The following ZCCHC8 variants were observed in gnomAD, a reference collection of about 807,000 sequenced individuals.
ZCCHC8 encodes the protein zinc finger CCHC-type containing 8, also known as zinc finger CCHC domain-containing protein 8.
Under a neutral mutation model 70.6 loss-of-function variants are expected in ZCCHC8, and 27 were observed. The observed-to-expected ratio is 0.38, with a 90% CI of 0.28 to 0.53. ZCCHC8 has a LOEUF of 0.53. Among genes scored for constraint, ZCCHC8 ranks in the 20% least tolerant of loss-of-function variants. ZCCHC8 has a pLI of 0.81. For synonymous variants in ZCCHC8, 293 were observed against 317.4 expected, an observed-to-expected ratio of 0.92 and a Z score of 0.82; for missense variants, 737 against 876.9, an observed-to-expected ratio of 0.84 and a Z score of 2.01.
chr12:122,491,529 C>CAAA lies in ZCCHC8; in HGVS notation c.318-965_318-963dup, dbSNP rs555175551. Among the ~76,000 whole-genome samples the CAAA allele has an allele frequency of 1.2e-3, 73 of 63,360 alleles. 1 individual carries two copies. Among genetic ancestry groups the CAAA allele is most frequent in the African/African-American group, 3.2e-3 (67 of 20,838 alleles). The allele number at this position is 63,360 out of a possible 152,430, so 41.6% of individuals were successfully genotyped here. A position where few individuals can be genotyped will look rare whatever the true frequency, so the allele number is the denominator to read the frequency against. On this transcript the variant is annotated intron_variant, in intron 3 of 13. Coordinates refer to ENST00000633063, the MANE Select transcript of ZCCHC8 (RefSeq NM_017612.5). ...GGGCAAAAAGAGTGAAACTCCATCT[C>CAAA]AAAAAAAAAAAAAAAAAAGCCAGGT...
At chr12:122,498,677 T>C (rs1957868742) in intron 2 of ZCCHC8, 150 bp downstream of exon 2, 1 of 755,934 alleles carries the variant, frequency 1.3e-6, no homozygotes, top group East Asian at 2.7e-5. Flanking sequence ...CACAATTAAA[T>C]AACTATTACT....
rs1957725816 is a variant in ZCCHC8 at position 122,490,535 on chromosome 12, G to C, written c.350C>G (p.Ser117Ter). The C allele has an allele frequency of 6.2e-7, 1 of 1,610,486 alleles. No individual in the cohort carries two copies. Among genetic ancestry groups the C allele is most frequent in the African/African-American group, 1.3e-5 (1 of 74,862 alleles). ...TTCCTCAAATCTTTTTACTAAATTT[G>C]ATACAAATTCCTCTATTTCTTGATG... is the stretch of plus-strand genomic sequence containing the variant. ...QYHQEIEEFV[S>*]NLVKRFEEQQ... The change falls in exon 4 of 14, where the codon TCA (serine) becomes TGA (stop). Residue 117 changes from serine to a stop codon, truncating the protein, a stop_gained. Transcript: ENST00000633063. LOFTEE classifies it high-confidence loss of function.
intron 13 of ZCCHC8, among the ~76,000 whole-genome samples, 189 bp downstream of exon 13, chr12:122,477,652 G>T (rs1284318702): frequency 1.3e-5 from 2 of 150,522 alleles, no homozygotes; most frequent in African/African-American, 4.9e-5. Flanking sequence ...TTAGCTGGGC[G>T]TGGTGATGCA....
chr12:122,483,569 G>A lies in ZCCHC8; in HGVS notation c.502-6C>T. On this transcript the variant is annotated splice_polypyrimidine_tract_variant and splice_region_variant and intron_variant, in intron 5 of 13. Transcript: ENST00000633063. This position sits in a 1 kb window ranked among gnomAD's most constrained non-coding sequence, Gnocchi z 4.4. ...TACAGGACACTTCCTACAACCTGCA[G>A]AAAACAAGTCAAAAAATATTGCTAT... 6.4e-7 allele frequency: 1 copy of A among 1,559,574 alleles called. No individual in the cohort carries two copies. Among genetic ancestry groups the A allele is most frequent in the Non-Finnish European group, 8.7e-7 (1 of 1,149,016 alleles).
rs1373072170 is a variant in ZCCHC8, at chr12:122,498,911, C to T, written c.200-42G>A. The T allele has an allele frequency of 5.7e-6, 9 of 1,569,098 alleles. No homozygotes were observed. The East Asian group carries it at 1.1e-4, about 20-fold the overall frequency. ...GAAGATAAGCCCTCATTTAACAATG[C>T]AAATCATAAAATTCAACTACTACTT... On this transcript the variant is annotated intron_variant, in intron 1 of 13. Transcript: ENST00000633063.
Position 122,500,780 on chromosome 12 carries a change from C to G in ZCCHC8, c.61G>C (p.Glu21Gln). The G allele has an allele frequency of 4.4e-6, 7 of 1,590,610 alleles. No individual in the cohort carries two copies. The highest frequency in any genetic ancestry group is 6.0e-6 in the Non-Finnish European group (7 of 1,168,990). Reference protein sequence around the residue: ...ELFEPFDHPEESIPKPVHTRF... With the variant: ...ELFEPFDHPEQSIPKPVHTRF... Reference sequence around the variant, plus strand: ...GTGTGAACGGGCTTCGGAATCGACTCCTCTGGGTGGTCGAACGGCTCGAAG... The same window carrying G: ...GTGTGAACGGGCTTCGGAATCGACTGCTCTGGGTGGTCGAACGGCTCGAAG... The change falls in exon 1 of 14, where the codon GAG becomes CAG. Residue 21 changes from glutamate to glutamine, a missense_variant. Transcript: ENST00000633063. The surrounding 1 kb of genome is among the most constrained non-coding windows in gnomAD (Gnocchi z 4.8).
intron 2 of ZCCHC8, among the ~76,000 whole-genome samples, chr12:122,497,032 A>C (rs1305523188): frequency 6.6e-6 from 1 of 152,006 alleles, no homozygotes; most frequent in Non-Finnish European, 1.5e-5. Flanking sequence ...CTGTAGTCCC[A>C]GCTACTCAGG....
At chr12:122,494,457 A>T (rs1957795824) in intron 2 of ZCCHC8, among the ~76,000 whole-genome samples, 1 of 151,532 alleles carries the variant, frequency 6.6e-6, no homozygotes, top group South Asian at 2.1e-4. Context: ...GCTACTCGGG[A>T]GGCTGAGGTG....
At chr12:122,490,338 T>G (rs1458351611) in intron 4 of ZCCHC8, 124 bp downstream of exon 4, 5 of 757,954 alleles carry the variant, frequency 6.6e-6, no homozygotes, top group African/African-American at 1.8e-5. Flanking sequence ...AGCAAGCCAG[T>G]AGAAGGAGAA....
chr12:122,500,500 G>C lies in ZCCHC8; in HGVS notation c.199+142C>G. ...CCCTAGACTCTCGGTCCGCCGGCGG[G>C]TGACAGAAAGCACTTGGAATTCTGG... On this transcript the variant is annotated intron_variant, in intron 1 of 13. Coordinates refer to ENST00000633063, the MANE Select transcript of ZCCHC8 (RefSeq NM_017612.5). The surrounding 1 kb of genome is among the most constrained non-coding windows in gnomAD (Gnocchi z 4.8). 9.0e-7 allele frequency: 1 copy of C among 1,109,140 alleles called. No individual in the cohort carries two copies. The highest frequency in any genetic ancestry group is 1.2e-6 in the Non-Finnish European group (1 of 803,332). The allele number at this position is 1,109,140 out of a possible 1,614,324, so 68.7% of individuals were successfully genotyped here. A position where few individuals can be genotyped will look rare whatever the true frequency, so the allele number is the denominator to read the frequency against.
chr12:122,490,301 G>A (rs1957722573), intron 4 of ZCCHC8, among the ~76,000 whole-genome samples, 161 bp downstream of exon 4: 1 of 152,218 alleles, frequency 6.6e-6, no homozygotes, highest in Non-Finnish European at 1.5e-5. Flanking sequence ...AGAACGCTGT[G>A]TGGCTAAACC....
In ZCCHC8 at chr12:122,500,674, C is replaced by T. The variant is rs1280717329; in HGVS notation, c.167G>A (p.Cys56Tyr). The T allele has an allele frequency of 1.3e-6, 2 of 1,581,730 alleles. No homozygotes were observed. The highest frequency in any genetic ancestry group is 1.3e-5 in the African/African-American group (1 of 74,206). Residue 56 changes from cysteine to tyrosine, a missense_variant, in exon 1 of 14, where the codon TGC becomes TAC. Transcript: ENST00000633063. This position sits in a 1 kb window ranked among gnomAD's most constrained non-coding sequence, Gnocchi z 4.8. ...GCGGAGCTGCTCGATGGTCTCCTCG[C>T]ACTGCCGAAGCCGCTCCCGTAGCTC... ...DAELRERLRQ[C>Y]EETIEQLRAE...
intron 5 of ZCCHC8, among the ~76,000 whole-genome samples, chr12:122,484,578 A>G (rs1957599718): frequency 6.7e-6 from 1 of 149,504 alleles, no homozygotes; most frequent in Non-Finnish European, 1.5e-5. Flanking sequence ...TTTTTTTTTG[A>G]GATGGGGTCT....
chr12:122,495,568 G>A (rs188054828), intron 2 of ZCCHC8, among the ~76,000 whole-genome samples: 2 of 152,136 alleles, frequency 1.3e-5, no homozygotes, highest in Admixed American at 1.3e-4. Context: ...AAGAGGAGAG[G>A]CCTGGGCACG....
intron 10 of ZCCHC8, 53 bp downstream of exon 10, chr12:122,481,469 T>C: frequency 7.7e-7 from 1 of 1,296,730 alleles, no homozygotes; most frequent in East Asian, 2.7e-5. Flanking sequence ...ATTCTTTAAT[T>C]AAAAAAAAAA....
intron 2 of ZCCHC8, among the ~76,000 whole-genome samples, chr12:122,496,618 C>T (rs1270476744): frequency 6.6e-6 from 1 of 151,862 alleles, no homozygotes; most frequent in African/African-American, 2.4e-5. Flanking sequence ...TTTATTAAGC[C>T]TCCCATGTAG....
At chr12:122,492,483 A>G (rs1957764949) in intron 3 of ZCCHC8, among the ~76,000 whole-genome samples, 1 of 152,194 alleles carries the variant, frequency 6.6e-6, no homozygotes, top group Non-Finnish European at 1.5e-5. Flanking sequence ...TGATGCAGCA[A>G]AGATCTGTGA....
At chr12:122,493,434 T>C (rs141255760) in intron 2 of ZCCHC8, among the ~76,000 whole-genome samples, 2 of 152,204 alleles carry the variant, frequency 1.3e-5, no homozygotes, top group Admixed American at 1.3e-4. Flanking sequence ...ACTTCCTCTT[T>C]TTTTGGGATG....
chr12:122,484,444 G>C (rs1452029578), intron 5 of ZCCHC8, among the ~76,000 whole-genome samples: 1 of 146,316 alleles, frequency 6.8e-6, no homozygotes, highest in Non-Finnish European at 1.5e-5. Flanking sequence ...GCAGGGTCTT[G>C]CTCTGTTGTC....
Sources: gnomAD v4.1 joint callset for allele counts (sites outside exome capture counted in the v4.1 genomes callset) on GRCh38, gnomAD v4.1.1 for gene constraint, Gnocchi (gnomAD v3.1) non-coding constraint, MANE v1.5 for transcripts, NCBI Gene and HGNC (gene_info 2026-07-23, HGNC 2026-07-21) for gene names.